Variants in SCAMP1 observed in about 807,000 individuals in gnomAD.
SCAMP1 encodes the protein secretory carrier-associated membrane protein 1.
Under a neutral mutation model 41.8 loss-of-function variants are expected in SCAMP1, and 15 were observed. That is an observed-to-expected ratio of 0.36 (90% CI 0.24 to 0.55). The LOEUF is 0.55. SCAMP1 is among the 20% of genes least tolerant of loss of function. The pLI, the probability that SCAMP1 is intolerant of heterozygous loss-of-function variation, is 0.86. For synonymous variants in SCAMP1, 135 were observed against 136.8 expected (o/e 0.99, Z 0.09); for missense variants, 341 against 412.6 (o/e 0.83, Z 1.50).
intron 6 of SCAMP1, among the ~76,000 whole-genome samples, chr5:78,424,397 C>T (rs1331700843): frequency 6.6e-6 from 1 of 152,064 alleles, no homozygotes; most frequent in Non-Finnish European, 1.5e-5. Context: ...CAGGATTAAA[C>T]ATGAAGTTGT....
chr5:78,460,742 CTCCTTCCT>C (rs1188221227), intron 8 of SCAMP1, among the ~76,000 whole-genome samples: 7,527 of 83,852 alleles, frequency 0.09, 783 homozygotes, highest in Admixed American at 0.17. Context: ...GGTTTCTTTT[CTCCTTCCT>C]TCCTTCCTTC....
intron 6 of SCAMP1, among the ~76,000 whole-genome samples, chr5:78,422,199 A>G (rs1024658682): frequency 6.6e-6 from 1 of 152,202 alleles, no homozygotes; most frequent in South Asian, 2.1e-4. Flanking sequence ...ATGGAAAAAT[A>G]AGAACAGTCT....
At position 78,477,944 on chromosome 5, in the gene SCAMP1, C is replaced by T. The variant is rs936432555; in HGVS notation, c.*2276C>T. ...CTATATTTAGTACTAAAATCACAGTCATGAAATCATAGTCATAAAATGGTC... is the reference window on the plus strand; with the variant it reads ...CTATATTTAGTACTAAAATCACAGTTATGAAATCATAGTCATAAAATGGTC... On this transcript the variant is annotated 3_prime_UTR_variant, in exon 9 of 9. Coordinates refer to ENST00000621999, the MANE Select transcript of SCAMP1 (RefSeq NM_004866.6). 6.6e-6 allele frequency: 1 copy of T among 152,090 alleles called. No homozygotes were observed. Among genetic ancestry groups the T allele is most frequent in the African/African-American group, 2.4e-5 (1 of 41,430 alleles). The allele number at this position is 152,090 out of a possible 1,614,324, so 9.4% of individuals were successfully genotyped here. A position where few individuals can be genotyped will look rare whatever the true frequency, so the allele number is the denominator to read the frequency against.
chr5:78,416,718 T>G, intron 4 of SCAMP1, 69 bp downstream of exon 4: 20 of 1,183,320 alleles, frequency 1.7e-5, no homozygotes, highest in Non-Finnish European at 2.0e-5. Flanking sequence ...TACTAGCTCC[T>G]AGGTCATTTG....
chr5:78,454,276 T>C (rs1753323558), intron 7 of SCAMP1, among the ~76,000 whole-genome samples: 2 of 152,240 alleles, frequency 1.3e-5, no homozygotes, highest in South Asian at 4.1e-4. Flanking sequence ...TCAAAGGGAA[T>C]GCTTCCAGTT....
rs1188221227 is a variant in SCAMP1, at chr5:78,460,742, C to CTCCT, written c.852+1441_852+1444dup. ...CTCTTTCTTTCTTTTGGTTTCTTTT[C>CTCCT]TCCTTCCTTCCTTCCTTCCTTCCTT... On this transcript the variant is annotated intron_variant, in intron 8 of 8. Coordinates refer to ENST00000621999, the MANE Select transcript of SCAMP1 (RefSeq NM_004866.6). Among the ~76,000 whole-genome samples, 35 of 85,008 alleles carry CTCCT rather than the reference C, an allele frequency of 4.1e-4. 2 individuals carry two copies. Among genetic ancestry groups the CTCCT allele is most frequent in the South Asian group, 2.6e-3 (6 of 2,346 alleles). The allele number at this position is 85,008 out of a possible 152,430, so 55.8% of individuals were successfully genotyped here. A position where few individuals can be genotyped will look rare whatever the true frequency, so the allele number is the denominator to read the frequency against.
chr5:78,379,627 G>A (rs1751148590), intron 1 of SCAMP1, among the ~76,000 whole-genome samples: 1 of 152,196 alleles, frequency 6.6e-6, no homozygotes, highest in Non-Finnish European at 1.5e-5. Context: ...TTTAGTCACT[G>A]TAGTTGAAAG....
Position 78,416,652 on chromosome 5 carries a change from A to G in SCAMP1, c.343+3A>G. 1 of 1,563,994 alleles carries G rather than the reference A, an allele frequency of 6.4e-7. No homozygotes were observed. Among genetic ancestry groups the G allele is most frequent in the South Asian group, 1.2e-5 (1 of 84,404 alleles). The stretch of plus-strand genomic sequence containing the variant: ...AATGCAAAACCTCAGTCAACATGGT[A>G]GTATCCAAAGAAATTTGAAATAAAA... On this transcript the variant is annotated splice_donor_region_variant and intron_variant, in intron 4 of 8. Transcript: ENST00000621999.
intron 1 of SCAMP1, among the ~76,000 whole-genome samples, chr5:78,387,556 T>C (rs1225158708): frequency 6.6e-6 from 1 of 151,744 alleles, no homozygotes; most frequent in African/African-American, 2.4e-5. Flanking sequence ...ACTGGAATTG[T>C]TTTTTTTGTT....
intron 1 of SCAMP1, among the ~76,000 whole-genome samples, chr5:78,380,385 G>A (rs1292369937): frequency 6.6e-6 from 1 of 152,160 alleles, no homozygotes; most frequent in Non-Finnish European, 1.5e-5. Flanking sequence ...CCTCCATAAA[G>A]GTTGTAACAG....
intron 1 of SCAMP1, among the ~76,000 whole-genome samples, chr5:78,383,060 C>T (rs1751249854): frequency 1.3e-5 from 2 of 152,072 alleles, no homozygotes; most frequent in Admixed American, 1.3e-4. Context: ...TTTACATTTT[C>T]ACCAACAGTG....
chr5:78,402,979 A>G (rs778540486), intron 2 of SCAMP1, among the ~76,000 whole-genome samples: 1 of 151,946 alleles, frequency 6.6e-6, no homozygotes, highest in African/African-American at 2.4e-5. Flanking sequence ...TCCAGGTTCA[A>G]GCTGTTTCAG....
At chr5:78,433,842 G>A (rs1053651419) in intron 6 of SCAMP1, among the ~76,000 whole-genome samples, 6 of 152,064 alleles carry the variant, frequency 3.9e-5, no homozygotes, top group African/African-American at 1.5e-4. Context: ...TCTCTGGAGT[G>A]GAGAGATCTG....
intron 1 of SCAMP1, among the ~76,000 whole-genome samples, chr5:78,363,235 C>T (rs1377682018): frequency 3.4e-5 from 5 of 148,682 alleles, no homozygotes; most frequent in South Asian, 2.1e-4. Flanking sequence ...TTTTTTGAGA[C>T]GGAGTCTCCC....
chr5:78,382,826 A>G (rs1180471973), intron 1 of SCAMP1, among the ~76,000 whole-genome samples: 1 of 129,258 alleles, frequency 7.7e-6, no homozygotes, highest in South Asian at 2.4e-4. Flanking sequence ...TGTGCGCCAC[A>G]TTTTCTGTAT....
chr5:78,393,155 A>G (rs1489168923), intron 2 of SCAMP1, among the ~76,000 whole-genome samples: 1 of 152,182 alleles, frequency 6.6e-6, no homozygotes, highest in Non-Finnish European at 1.5e-5. Flanking sequence ...AGGCTACAGT[A>G]TGGAAATCTT....
chr5:78,427,206 G>A (rs1359089451), intron 6 of SCAMP1, among the ~76,000 whole-genome samples: 1 of 152,218 alleles, frequency 6.6e-6, no homozygotes, highest in African/African-American at 2.4e-5. Context: ...GGGAGCAGAT[G>A]TGAGTAGAGA....
intron 8 of SCAMP1, among the ~76,000 whole-genome samples, chr5:78,465,828 G>A (rs1470378241): frequency 3.3e-5 from 5 of 152,288 alleles, no homozygotes; most frequent in Middle Eastern, 3.4e-3. Flanking sequence ...TGAAACTCTG[G>A]TCCACAAGTG....
At chr5:78,421,240 A>G (rs1752332399) in intron 5 of SCAMP1, among the ~76,000 whole-genome samples, 1 of 152,194 alleles carries the variant, frequency 6.6e-6, no homozygotes, top group South Asian at 2.1e-4. Flanking sequence ...GAGGGGACTT[A>G]ATAAATTTAA....
Sources: allele counts gnomAD v4.1 joint callset (sites outside exome capture counted in the v4.1 genomes callset), GRCh38; gene constraint gnomAD v4.1.1; transcripts MANE v1.5; gene names NCBI Gene and HGNC (gene_info 2026-07-23, HGNC 2026-07-21).